RUNX2: variants seen among roughly 807,000 people sequenced by gnomAD.
The protein encoded by RUNX2 is runt-related transcription factor 2.
Under a neutral mutation model 51.7 loss-of-function variants are expected in RUNX2, and 10 were observed. The ratio of observed to expected loss-of-function variants is 0.19; its 90% CI spans 0.12 to 0.33. RUNX2 has a LOEUF of 0.33. Among genes scored for constraint, RUNX2 ranks in the 10% least tolerant of loss-of-function variants. RUNX2 has a pLI of 1.00. For missense variants in RUNX2, 562 were observed against 691.3 expected (o/e 0.81, Z 2.10); for synonymous variants, 276 against 273.6 (o/e 1.01, Z -0.09).
At chr6:45,451,964 T>C (rs1200437373) in intron 5 of RUNX2, among the ~76,000 whole-genome samples, 1 of 152,202 alleles carries the variant, frequency 6.6e-6, no homozygotes, top group Non-Finnish European at 1.5e-5. Flanking sequence ...CTGTGGCCAT[T>C]AGAATCTTTA....
At chr6:45,545,735 C>A (rs1802379987) in intron 8 of RUNX2, among the ~76,000 whole-genome samples, 1 of 152,190 alleles carries the variant, frequency 6.6e-6, no homozygotes, top group Middle Eastern at 3.2e-3. Flanking sequence ...GGGCTTGTCA[C>A]AATTCTGTCA....
chr6:45,338,960 A>G (rs1353971702), intron 2 of RUNX2, among the ~76,000 whole-genome samples: 1 of 152,150 alleles, frequency 6.6e-6, no homozygotes, highest in Non-Finnish European at 1.5e-5. Context: ...AACTATTTAC[A>G]CTCATGTGAG....
chr6:45,508,103 G>T (rs1801027600), intron 6 of RUNX2, among the ~76,000 whole-genome samples: 1 of 152,052 alleles, frequency 6.6e-6, no homozygotes. Flanking sequence ...ATTAGAGAAG[G>T]CATGGGGGTG....
At chr6:45,488,757 C>T (rs1374074094) in intron 5 of RUNX2, among the ~76,000 whole-genome samples, 1 of 152,190 alleles carries the variant, frequency 6.6e-6, no homozygotes, top group Non-Finnish European at 1.5e-5. Flanking sequence ...AGCATTTTTA[C>T]ATAGAGTCTC....
At chr6:45,416,435 A>T (rs2150359007) in intron 2 of RUNX2, among the ~76,000 whole-genome samples, 1 of 152,348 alleles carries the variant, frequency 6.6e-6, no homozygotes, top group Middle Eastern at 3.4e-3. Flanking sequence ...AGAATAGGAT[A>T]GCACCTTCCT....
chr6:45,472,170 C>T (rs371740634), intron 5 of RUNX2, among the ~76,000 whole-genome samples: 1 of 151,850 alleles, frequency 6.6e-6, no homozygotes, highest in Non-Finnish European at 1.5e-5. Flanking sequence ...TCTAAATAGT[C>T]CCCTGGATTG....
At chr6:45,482,187 C>G (rs1800136631) in intron 5 of RUNX2, among the ~76,000 whole-genome samples, 1 of 152,178 alleles carries the variant, frequency 6.6e-6, no homozygotes, top group African/African-American at 2.4e-5. Flanking sequence ...ATGCTTTCAT[C>G]CAATCTTTTT....
At chr6:45,442,246 T>C (rs1476226529) in intron 5 of RUNX2, among the ~76,000 whole-genome samples, 1 of 152,270 alleles carries the variant, frequency 6.6e-6, no homozygotes, top group Non-Finnish European at 1.5e-5. Context: ...CTTATCATTT[T>C]AAGACATGAC....
At chr6:45,370,061 G>A (rs1229496760) in intron 2 of RUNX2, among the ~76,000 whole-genome samples, 2 of 152,154 alleles carry the variant, frequency 1.3e-5, no homozygotes, top group African/African-American at 2.4e-5. Flanking sequence ...TTTGAAAAGG[G>A]AAGTTACTTG....
chr6:45,464,524 A>G (rs893720307), intron 5 of RUNX2, among the ~76,000 whole-genome samples: 1 of 152,216 alleles, frequency 6.6e-6, no homozygotes, highest in Non-Finnish European at 1.5e-5. Flanking sequence ...AACTCTATCT[A>G]CAGCGGCCCT....
chr6:45,370,940 A>T (rs1198090814), intron 2 of RUNX2, among the ~76,000 whole-genome samples: 8 of 152,194 alleles, frequency 5.3e-5, no homozygotes, highest in Non-Finnish European at 7.4e-5. Context: ...CTTTGCAAAA[A>T]CAGTCCCTAA....
chr6:45,383,679 C>T (rs769099786), intron 2 of RUNX2, among the ~76,000 whole-genome samples: 8 of 151,924 alleles, frequency 5.3e-5, no homozygotes, highest in Non-Finnish European at 7.4e-5. Flanking sequence ...AAAGTTAAGA[C>T]GAGTATACAG....
At chr6:45,339,784 C>T (rs981316713) in intron 2 of RUNX2, among the ~76,000 whole-genome samples, 4 of 151,976 alleles carry the variant, frequency 2.6e-5, no homozygotes, top group Non-Finnish European at 4.4e-5. Context: ...AATTAGACAA[C>T]ATATTTTGAA....
intron 4 of RUNX2, among the ~76,000 whole-genome samples, chr6:45,436,230 T>C (rs1011617696): frequency 2.6e-5 from 4 of 152,140 alleles, no homozygotes; most frequent in South Asian, 4.1e-4. Flanking sequence ...TAGAAATAAA[T>C]TACTTATTAA....
At chr6:45,518,746 T>G (rs917072553) in intron 7 of RUNX2, among the ~76,000 whole-genome samples, 8 of 152,198 alleles carry the variant, frequency 5.3e-5, no homozygotes, top group African/African-American at 1.9e-4. Flanking sequence ...GGAATCATGC[T>G]TTTGCAGGGA....
chr6:45,359,608 A>T (rs1793872007), intron 2 of RUNX2, among the ~76,000 whole-genome samples: 1 of 152,246 alleles, frequency 6.6e-6, no homozygotes, highest in Non-Finnish European at 1.5e-5. Flanking sequence ...ATTATGAAAT[A>T]ACACAAATAC....
rs577172627 is a variant in RUNX2 at position 45,430,809 on chromosome 6, A to T, written c.424-1054A>T. On this transcript the variant is annotated intron_variant, in intron 3 of 8. Transcript: ENST00000647337. ...GCTGAGTTACCATGAGGGCATCTGG[A>T]AGCTGAATGAGGAAGACATGGAAAT... Among the ~76,000 whole-genome samples, 3 of 152,260 alleles carry T rather than the reference A, an allele frequency of 2.0e-5. No homozygotes were observed. In the South Asian group the frequency reaches 6.2e-4, roughly 32 times the overall value.
rs10677574 is a variant in RUNX2, at chr6:45,485,697, G to GTATATATATATATATATATATATATATA, written c.686-6224_686-6223insTATATATATATATATATATATATATATA. ...TATGTGTGTGTGTGTGTGTGTGTGT[G>GTATATATATATATATATATATATATATA]TATATATATATATATATATACACAT... On this transcript the variant is annotated intron_variant, in intron 5 of 8. Coordinates refer to ENST00000647337, the MANE Select transcript of RUNX2 (RefSeq NM_001024630.4). 1.7e-3 allele frequency among the ~76,000 whole-genome samples: 179 copies of GTATATATATATATATATATATATATATA among 103,772 alleles called. 1 individual carries two copies. The highest frequency in any genetic ancestry group is 3.8e-3 in the African/African-American group (99 of 26,150). 68.1% of individuals were successfully genotyped at this position (103,772 alleles called of 152,430 possible).
At position 45,422,777 on chromosome 6, in the gene RUNX2, G is replaced by GGCGGCT. The variant is rs2150362449; in HGVS notation, c.249_254dup (p.Ala88_Ala89dup). On this transcript the variant is annotated inframe_insertion, in exon 3 of 9. Coordinates refer to ENST00000647337, the MANE Select transcript of RUNX2 (RefSeq NM_001024630.4). ...CGGCGGCGGCGGCTGCGGCGGCGGCGGCGGCTGCGGCGGCGGCAGCTGCAG... is the reference window on the plus strand; with the variant it reads ...CGGCGGCGGCGGCTGCGGCGGCGGCGGCGGCTGCGGCTGCGGCGGCGGCAGCTGCAG... The GGCGGCT allele has an allele frequency of 7.3e-7, 1 of 1,373,682 alleles. No homozygotes were observed. The highest frequency in any genetic ancestry group is 9.7e-7 in the Non-Finnish European group (1 of 1,034,810). 85.1% of individuals were successfully genotyped at this position (1,373,682 alleles called of 1,614,324 possible). A position where few individuals can be genotyped will look rare whatever the true frequency, so the allele number is the denominator to read the frequency against.
Sources: allele counts gnomAD v4.1 joint callset (sites outside exome capture counted in the v4.1 genomes callset), GRCh38; gene constraint gnomAD v4.1.1; transcripts MANE v1.5; gene names NCBI Gene and HGNC (gene_info 2026-07-23, HGNC 2026-07-21).